Variants in NUP98 observed in about 807,000 individuals in gnomAD.
The protein encoded by NUP98 is nucleoporin 98 and 96 precursor.
Under a neutral mutation model 191.9 loss-of-function variants are expected in NUP98, and 26 were observed. The ratio of observed to expected loss-of-function variants is 0.14; its 90% CI spans 0.10 to 0.19. The LOEUF is 0.19. Ranked by LOEUF, NUP98 falls within the 10% of genes least tolerant of loss-of-function variation. The pLI is 1.00. For missense variants in NUP98, 1,941 were observed against 2,178.8 expected (o/e 0.89, Z 2.17); for synonymous variants, 808 against 778.4 (o/e 1.04, Z -0.63).
rs540761889 is a variant in NUP98 at position 3,727,940 on chromosome 11, G to A, written c.1731-2721C>T. On this transcript the variant is annotated intron_variant, in intron 14 of 32. Transcript: ENST00000324932. ...CGGGAGGCCAAGTCAGAATAATCCCGAGCCCAGGAATTCAAGGGTGCAGTG... is the reference window on the plus strand; with the variant it reads ...CGGGAGGCCAAGTCAGAATAATCCCAAGCCCAGGAATTCAAGGGTGCAGTG... 2.7e-3 allele frequency among the ~76,000 whole-genome samples: 418 copies of A among 152,152 alleles called. 1 individual carries two copies. Among genetic ancestry groups the A allele is most frequent in the African/African-American group, 9.6e-3 (400 of 41,510 alleles).
At chr11:3,743,412 C>T (rs1439014826) in intron 12 of NUP98, among the ~76,000 whole-genome samples, 4 of 147,834 alleles carry the variant, frequency 2.7e-5, no homozygotes, top group Admixed American at 6.7e-5. Flanking sequence ...TTTGGGAGGC[C>T]GAGGCGGGCG....
chr11:3,784,585 C>CAA (rs764056338), intron 1 of NUP98, among the ~76,000 whole-genome samples: 2 of 139,142 alleles, frequency 1.4e-5, no homozygotes, highest in African/African-American at 2.6e-5. Flanking sequence ...CTATTAAAAA[C>CAA]AAAAAAAAAA....
intron 28 of NUP98, 22 bp from the exon 29 acceptor site, chr11:3,686,216 T>G (rs1160796902): frequency 6.2e-7 from 1 of 1,609,284 alleles, no homozygotes; most frequent in Non-Finnish European, 8.5e-7. Flanking sequence ...GTGTTGAGAG[T>G]CAACATACAC....
At chr11:3,760,387 C>T in intron 10 of NUP98, 152 bp downstream of exon 10, 3 of 1,151,184 alleles carry the variant, frequency 2.6e-6, no homozygotes, top group Admixed American at 2.0e-5. Context: ...CTACCGCTTA[C>T]CTGAGAACTT....
At chr11:3,718,725 G>C (rs1039125364) in intron 18 of NUP98, among the ~76,000 whole-genome samples, 3 of 151,718 alleles carry the variant, frequency 2.0e-5, no homozygotes, top group Admixed American at 6.6e-5. Flanking sequence ...TAGAAGCTAG[G>C]ATCTCACACT....
chr11:3,702,892 A>G lies in NUP98; in HGVS notation c.3083T>C (p.Val1028Ala), dbSNP rs758791629. ...AAATTTTGATTGTAGTAACCCACCAACTGAAATGAAGCGGGAATGAAGGGG... is the reference window on the plus strand; with the variant it reads ...AAATTTTGATTGTAGTAACCCACCAGCTGAAATGAAGCGGGAATGAAGGGG... ...ASHSSKTRSL[V>A]GGLLQSKFTS... The change falls in exon 23 of 33, where the codon GTT (valine) becomes GCT (alanine). Residue 1028 changes from valine to alanine, a missense_variant and splice_region_variant. By Grantham distance (64) the Val-to-Ala change is moderately conservative. Coordinates refer to ENST00000324932, the MANE Select transcript of NUP98 (RefSeq NM_016320.5). The G allele has an allele frequency of 1.0e-5, 16 of 1,601,084 alleles. No individual in the cohort carries two copies. Among genetic ancestry groups the G allele is most frequent in the Admixed American group, 1.7e-5 (1 of 58,846 alleles).
At chr11:3,789,777 T>C (rs1013487485) in intron 1 of NUP98, among the ~76,000 whole-genome samples, 1 of 151,870 alleles carries the variant, frequency 6.6e-6, no homozygotes, top group Non-Finnish European at 1.5e-5. Context: ...CCCATTTACT[T>C]ATTTTTTATT....
intron 16 of NUP98, chr11:3,721,045 A>G (rs911572856): frequency 1.8e-5 from 6 of 339,880 alleles, no homozygotes; most frequent in African/African-American, 2.2e-5. Context: ...AAGAACATAC[A>G]TATGATACAT....
rs2082096951 is a variant in NUP98, at chr11:3,785,049, A to G, written c.-28-2904T>C. On this transcript the variant is annotated intron_variant, in intron 1 of 32. Transcript: ENST00000324932. Reference sequence around the variant, plus strand: ...GCTACTCAGGAGGCTGAGACAGGAGAATTGCTTGAACCCCAGAGGTGGAGC... The same window carrying G: ...GCTACTCAGGAGGCTGAGACAGGAGGATTGCTTGAACCCCAGAGGTGGAGC... Among the ~76,000 whole-genome samples the G allele has an allele frequency of 2.0e-5, 3 of 152,012 alleles. No homozygotes were observed. In the South Asian group the frequency reaches 6.2e-4, roughly 32 times the overall value.
intron 23 of NUP98, 32 bp downstream of exon 23, chr11:3,702,431 T>C: frequency 6.3e-7 from 1 of 1,592,400 alleles, no homozygotes; most frequent in Non-Finnish European, 8.6e-7. Context: ...TCATGTTGCC[T>C]TTCTCAAAAA....
At chr11:3,728,846 T>C (rs1190707886) in intron 14 of NUP98, among the ~76,000 whole-genome samples, 1 of 152,184 alleles carries the variant, frequency 6.6e-6, no homozygotes, top group Non-Finnish European at 1.5e-5. Flanking sequence ...GCAATGAATG[T>C]GGTGAGAACT....
At chr11:3,756,948 C>G (rs931268782) in intron 10 of NUP98, among the ~76,000 whole-genome samples, 1 of 151,636 alleles carries the variant, frequency 6.6e-6, no homozygotes, top group African/African-American at 2.4e-5. Context: ...ATTAGCCAGA[C>G]GTGGCAGCAT....
chr11:3,683,533 T>A, intron 29 of NUP98, 92 bp from the exon 30 acceptor site: 2 of 1,321,206 alleles, frequency 1.5e-6, no homozygotes, highest in Non-Finnish European at 2.0e-6. Context: ...GGCAGTCTCT[T>A]AAACTGCAGG....
At chr11:3,724,739 C>A (rs868182842) in intron 15 of NUP98, among the ~76,000 whole-genome samples, 4 of 135,600 alleles carry the variant, frequency 2.9e-5, no homozygotes, top group Admixed American at 1.5e-4. Context: ...TTGGCTCATG[C>A]CACTGCACTC....
intron 31 of NUP98, chr11:3,679,325 G>A (rs976911959): frequency 1.6e-6 from 1 of 627,254 alleles, no homozygotes; most frequent in Non-Finnish European, 2.9e-6. Flanking sequence ...CAAGCCTCAG[G>A]AATGTCTATT....
chr11:3,759,928 C>T (rs1342084926), intron 10 of NUP98, among the ~76,000 whole-genome samples: 2 of 151,908 alleles, frequency 1.3e-5, no homozygotes, highest in East Asian at 3.9e-4. Flanking sequence ...TAGCACACTG[C>T]AGCCTTGAAC....
At position 3,681,823 on chromosome 11, in the gene NUP98, G is replaced by C. The variant is rs2077993898; in HGVS notation, c.4918+1377C>G. Among the ~76,000 whole-genome samples, 5 of 152,322 alleles carry C rather than the reference G, an allele frequency of 3.3e-5. No individual in the cohort carries two copies. In the South Asian group the frequency reaches 8.3e-4, roughly 25 times the overall value. ...CAGCTGAATTAGCCCTAAAGGGAGA[G>C]TTAACTTGTCCTTTGCAGCTTTGAA... On this transcript the variant is annotated intron_variant, in intron 30 of 32. Coordinates refer to ENST00000324932, the MANE Select transcript of NUP98 (RefSeq NM_016320.5).
rs757293281 is a variant in NUP98, at chr11:3,693,291, A to G, written c.4252T>C (p.Leu1418=). 1 of 1,614,222 alleles carries G rather than the reference A, an allele frequency of 6.2e-7. No individual in the cohort carries two copies. Among genetic ancestry groups the G allele is most frequent in the East Asian group, 2.2e-5 (1 of 44,888 alleles). The change falls in exon 27 of 33, where the codon TTG becomes CTG. Residue 1418 remains leucine, a synonymous_variant. Coordinates refer to ENST00000324932, the MANE Select transcript of NUP98 (RefSeq NM_016320.5). ...KRSLAIHLWY[L]LPPTASISRA... ...GAAATGGAGGCTGTTGGTGGAAGCA[A>G]ATACCAAAGATGGATAGCCAGGGAG...
chr11:3,783,011 T>C (rs768443618), intron 1 of NUP98, among the ~76,000 whole-genome samples: 2 of 152,240 alleles, frequency 1.3e-5, no homozygotes, highest in African/African-American at 4.8e-5. Context: ...ACATTCTCTT[T>C]GAGATTACGT....
Sources: gnomAD v4.1 joint callset for allele counts (sites outside exome capture counted in the v4.1 genomes callset) on GRCh38, gnomAD v4.1.1 for gene constraint, MANE v1.5 for transcripts, NCBI Gene and HGNC (gene_info 2026-07-23, HGNC 2026-07-21) for gene names.